TRIM61: variants seen among roughly 807,000 people sequenced by gnomAD.
TRIM61 encodes the protein tripartite motif containing 61, also known as putative tripartite motif-containing protein 61.
TRIM61 carries 1 observed loss-of-function variant against 14.2 expected under a neutral mutation model. That is an observed-to-expected ratio of 0.07 (90% confidence interval 0.03 to 0.33). TRIM61 has a LOEUF of 0.33. Ranked by LOEUF, TRIM61 falls within the 10% of genes least tolerant of loss-of-function variation. The pLI, the probability that TRIM61 is intolerant of heterozygous loss-of-function variation, is 0.99. For synonymous variants in TRIM61, 8 were observed against 71.6 expected (o/e 0.11, Z 4.49); for missense variants, 19 against 202.2 (o/e 0.09, Z 5.49).
At chr4:164,961,260 CAGAT>C (rs879834479) in intron 3 of TRIM61, among the ~76,000 whole-genome samples, 35 of 143,120 alleles carry the variant, frequency 2.4e-4, no homozygotes, top group Non-Finnish European at 4.2e-4. Flanking sequence ...CATGCAGAGT[CAGAT>C]AGATAATTTT....
chr4:164,974,451 G>A (rs565832589), intron 2 of TRIM61, among the ~76,000 whole-genome samples: 2 of 152,206 alleles, frequency 1.3e-5, no homozygotes, highest in South Asian at 4.1e-4. Context: ...TGCAGAACCT[G>A]CATCCACTGG....
chr4:164,959,166 C>A (rs1430839799), intron 3 of TRIM61: 4 of 166,932 alleles, frequency 2.4e-5, no homozygotes, highest in African/African-American at 7.2e-5. Flanking sequence ...CATATCTGCT[C>A]ATCTCTAAAG....
intron 2 of TRIM61, among the ~76,000 whole-genome samples, chr4:164,973,484 C>T (rs1295778967): frequency 6.6e-6 from 1 of 152,076 alleles, no homozygotes; most frequent in East Asian, 1.9e-4. Context: ...GAAAAATGGG[C>T]TTACTGATCC....
chr4:164,972,281 T>C (rs1732385083), intron 2 of TRIM61, among the ~76,000 whole-genome samples: 3 of 152,194 alleles, frequency 2.0e-5, no homozygotes, highest in African/African-American at 7.2e-5. Context: ...ATGGGAAGTA[T>C]AACAACCTCT....
chr4:164,956,876 G>C, intron 3 of TRIM61: 3 of 777,268 alleles, frequency 3.9e-6, no homozygotes, highest in Non-Finnish European at 6.0e-6. Flanking sequence ...TTTCTCCCAG[G>C]AGGCTGGGCG....
intron 3 of TRIM61, among the ~76,000 whole-genome samples, chr4:164,955,332 G>A (rs917339016): frequency 1.3e-5 from 2 of 151,998 alleles, no homozygotes; most frequent in East Asian, 1.9e-4. Context: ...CCATTAAACA[G>A]TCAACAGAAG....
At chr4:164,977,022 C>T (rs1732497464) in intron 1 of TRIM61, among the ~76,000 whole-genome samples, 197 bp from the exon 2 acceptor site, 1 of 152,112 alleles carries the variant, frequency 6.6e-6, no homozygotes, top group South Asian at 2.1e-4. Flanking sequence ...ATAAATAAAA[C>T]CTGTGGTAGA....
At chr4:164,969,347 C>T in intron 3 of TRIM61, 1 of 1,533,310 alleles carries the variant, frequency 6.5e-7, no homozygotes, top group Non-Finnish European at 8.7e-7. Flanking sequence ...TTTTGTTAGG[C>T]TTTCATTTAG....
chr4:164,967,387 T>C (rs553946544), intron 3 of TRIM61, among the ~76,000 whole-genome samples: 39 of 152,172 alleles, frequency 2.6e-4, no homozygotes, highest in Non-Finnish European at 4.7e-4. Flanking sequence ...CTGTGATCTA[T>C]TGAAAGATGT....
At chr4:164,962,639 A>G (rs1173979970) in intron 3 of TRIM61, among the ~76,000 whole-genome samples, 1 of 152,120 alleles carries the variant, frequency 6.6e-6, no homozygotes, top group Non-Finnish European at 1.5e-5. Context: ...AATGCTTAGA[A>G]AAAATAAAAT....
chr4:164,957,154 C>T, intron 3 of TRIM61: 2 of 1,610,596 alleles, frequency 1.2e-6, no homozygotes, highest in Non-Finnish European at 1.7e-6. Context: ...GTCTCCCTAA[C>T]AGACCTTATA....
intron 2 of TRIM61, among the ~76,000 whole-genome samples, chr4:164,971,286 G>A (rs980109268): frequency 1.1e-4 from 17 of 151,888 alleles, no homozygotes; most frequent in African/African-American, 3.6e-4. Flanking sequence ...ACTTTCAGAA[G>A]GTTCAACAAT....
chr4:164,968,013 G>C (rs1732278266), intron 3 of TRIM61, among the ~76,000 whole-genome samples: 1 of 151,906 alleles, frequency 6.6e-6, no homozygotes, highest in African/African-American at 2.4e-5. Context: ...TTAGCTGGGT[G>C]TGGTGGTACA....
intron 2 of TRIM61, among the ~76,000 whole-genome samples, chr4:164,971,514 C>T (rs994175617): frequency 6.6e-6 from 1 of 151,598 alleles, no homozygotes; most frequent in African/African-American, 2.4e-5. Context: ...TTGCTTGAAC[C>T]CGAGAGGAGG....
At chr4:164,962,225 T>C (rs2111137282) in intron 3 of TRIM61, among the ~76,000 whole-genome samples, 1 of 149,498 alleles carries the variant, frequency 6.7e-6, no homozygotes, top group South Asian at 2.1e-4. Context: ...TTACTTCTTT[T>C]TTTTTTTTTT....
chr4:164,967,724 G>C (rs922169272), intron 3 of TRIM61, among the ~76,000 whole-genome samples: 2 of 152,140 alleles, frequency 1.3e-5, no homozygotes, highest in African/African-American at 4.8e-5. Context: ...GTGGCACTGG[G>C]CATGGTGGTT....
chr4:164,966,054 A>C (rs1457785161), intron 3 of TRIM61, among the ~76,000 whole-genome samples: 1 of 152,264 alleles, frequency 6.6e-6, no homozygotes, highest in African/African-American at 2.4e-5. Flanking sequence ...CCACTGGCTT[A>C]GTGAACAAAT....
chr4:164,957,052 C>G (rs911250960), intron 3 of TRIM61: 1 of 1,510,404 alleles, frequency 6.6e-7, no homozygotes, highest in African/African-American at 1.4e-5. Flanking sequence ...GGCGGGGCAG[C>G]TGTCCTCTTC....
In TRIM61 at chr4:164,954,635, T is replaced by C. The variant is rs1043216857; in HGVS notation, c.*150A>G. The C allele has an allele frequency of 6.6e-6, 1 of 152,152 alleles. No homozygotes were observed. The highest frequency in any genetic ancestry group is 1.5e-5 in the Non-Finnish European group (1 of 68,030). The allele number at this position is 152,152 out of a possible 1,614,324, so 9.4% of individuals were successfully genotyped here. ...ACATACCTTACAAATGTAATTAAAATTTTATTATGGTATAGGAACATATAC... is the reference window on the plus strand; with the variant it reads ...ACATACCTTACAAATGTAATTAAAACTTTATTATGGTATAGGAACATATAC... On this transcript the variant is annotated 3_prime_UTR_variant, in exon 5 of 5. Transcript: ENST00000329314.
Sources: allele counts gnomAD v4.1 joint callset (sites outside exome capture counted in the v4.1 genomes callset), GRCh38; gene constraint gnomAD v4.1.1; transcripts MANE v1.5; gene names NCBI Gene and HGNC (gene_info 2026-07-23, HGNC 2026-07-21).